The following PAX8 variants were observed in gnomAD, a reference collection of about 807,000 sequenced individuals.
PAX8 encodes paired box 8, also known as paired box protein Pax-8.
Under a neutral mutation model 52.4 loss-of-function variants are expected in PAX8, and 15 were observed. The observed-to-expected ratio is 0.29, with a 90% CI of 0.19 to 0.44. PAX8 has a LOEUF of 0.44. PAX8 is among the 20% of genes least tolerant of loss of function. The probability of loss-of-function intolerance (pLI) is 1.00; values close to 1 mark genes in which losing one functional copy is unlikely to be tolerated. For missense variants in PAX8, 554 were observed against 602.5 expected (o/e 0.92, Z 0.84); for synonymous variants, 284 against 249.7 (o/e 1.14, Z -1.29).
At chr2:113,232,525 C>T (rs1248924721) in intron 9 of PAX8, among the ~76,000 whole-genome samples, 1 of 152,232 alleles carries the variant, frequency 6.6e-6, no homozygotes, top group Non-Finnish European at 1.5e-5. Flanking sequence ...TGGCTGCCTG[C>T]TTCCTACATG....
chr2:113,244,646 A>G, intron 3 of PAX8, 22 bp from the exon 4 acceptor site: 8 of 1,609,290 alleles, frequency 5.0e-6, no homozygotes, highest in Non-Finnish European at 6.8e-6. Context: ...GAGAATCCCA[A>G]AGAATTACCC....
At position 113,220,107 on chromosome 2, in the gene PAX8, T is replaced by C; in HGVS notation, c.1261A>G (p.Asn421Asp). 6.2e-7 allele frequency: 1 copy of C among 1,613,568 alleles called. No individual in the cohort carries two copies. Among genetic ancestry groups the C allele is most frequent in the South Asian group, 1.1e-5 (1 of 91,056 alleles). The change falls in exon 11 of 12, where the codon AAC becomes GAC. Residue 421 changes from asparagine to aspartate, a missense_variant. Coordinates refer to ENST00000429538, the MANE Select transcript of PAX8 (RefSeq NM_003466.4). ...AGGGACTTACTCAGCAAGCTGGAGTTGGGGAAGCGCCAGGCCTCGCTGTAG... is the reference window on the plus strand; with the variant it reads ...AGGGACTTACTCAGCAAGCTGGAGTCGGGGAAGCGCCAGGCCTCGCTGTAG... Reference protein sequence around the residue: ...SSYSEAWRFPNSSLLSSPYYY... With the variant: ...SSYSEAWRFPDSSLLSSPYYY...
chr2:113,226,853 A>C, intron 10 of PAX8: 1 of 1,300,726 alleles, frequency 7.7e-7, no homozygotes. Flanking sequence ...ATTCACTGGA[A>C]GAAGTGGTGG....
chr2:113,271,761 G>A (rs1453956482), intron 2 of PAX8: 1 of 148,312 alleles, frequency 6.7e-6, no homozygotes. Flanking sequence ...AGGGAGCAGT[G>A]GAAAGGGGAA....
At chr2:113,277,624 A>G (rs1234710286) in intron 2 of PAX8, among the ~76,000 whole-genome samples, 3 of 152,114 alleles carry the variant, frequency 2.0e-5, no homozygotes, top group Non-Finnish European at 4.4e-5. Context: ...TGCGCCCACC[A>G]GCCCTGACCC....
chr2:113,230,635 T>C (rs1367829436), intron 9 of PAX8: 1 of 152,224 alleles, frequency 6.6e-6, no homozygotes, highest in Non-Finnish European at 1.5e-5. Context: ...TTCTTCAGCA[T>C]GGCTCTCACC....
intron 2 of PAX8, among the ~76,000 whole-genome samples, chr2:113,258,103 A>C (rs900310310): frequency 3.3e-5 from 5 of 152,222 alleles, no homozygotes; most frequent in Non-Finnish European, 5.9e-5. Flanking sequence ...CCTAAGAGCG[A>C]ATATGTCCTT....
At chr2:113,261,669 A>G (rs765579459) in intron 2 of PAX8, among the ~76,000 whole-genome samples, 25 of 152,232 alleles carry the variant, frequency 1.6e-4, no homozygotes, top group South Asian at 6.2e-4. Flanking sequence ...GGCAGAACCA[A>G]GAAAGAACCT....
intron 2 of PAX8, 56 bp downstream of exon 2, chr2:113,278,314 G>A: frequency 4.4e-6 from 6 of 1,358,218 alleles, no homozygotes; most frequent in African/African-American, 1.4e-5. Context: ...CCGAGCGCAC[G>A]CACGGACGCT....
Position 113,216,818 on chromosome 2 carries a change from G to A in PAX8, c.*1715C>T, listed in dbSNP as rs569264757. On this transcript the variant is annotated 3_prime_UTR_variant, in exon 12 of 12. Coordinates refer to ENST00000429538, the MANE Select transcript of PAX8 (RefSeq NM_003466.4). Reference sequence around the variant, plus strand: ...GGTAAAAGCGTTGGGCTTAGAGTAAGAGGACTTGGTTGAATCTACTACTTT... The same window carrying A: ...GGTAAAAGCGTTGGGCTTAGAGTAAAAGGACTTGGTTGAATCTACTACTTT... 4.9e-4 allele frequency: 112 copies of A among 229,194 alleles called. No individual in the cohort carries two copies. The highest frequency in any genetic ancestry group is 2.3e-3 in the African/African-American group (105 of 45,250). The allele number at this position is 229,194 out of a possible 1,614,324, so 14.2% of individuals were successfully genotyped here.
At chr2:113,278,317 C>A in intron 2 of PAX8, 53 bp downstream of exon 2, 1 of 1,393,402 alleles carries the variant, frequency 7.2e-7, no homozygotes, top group Non-Finnish European at 1.0e-6. Context: ...AGCGCACGCA[C>A]GGACGCTCAG....
chr2:113,259,767 TGCA>T (rs771086808), intron 2 of PAX8, among the ~76,000 whole-genome samples: 6 of 152,360 alleles, frequency 3.9e-5, no homozygotes, highest in South Asian at 2.1e-4. Flanking sequence ...CAGTGCTCCC[TGCA>T]GGTTTACTAG....
intron 2 of PAX8, among the ~76,000 whole-genome samples, chr2:113,249,014 G>A (rs950287935): frequency 2.0e-5 from 3 of 152,168 alleles, no homozygotes; most frequent in African/African-American, 4.8e-5. Flanking sequence ...CTCTGCCCTG[G>A]GCAGTAAGTC....
intron 10 of PAX8, 41 bp from the exon 11 acceptor site, chr2:113,220,219 GC>G (rs1233471085): frequency 6.8e-7 from 1 of 1,477,444 alleles, no homozygotes; most frequent in Admixed American, 1.7e-5. Flanking sequence ...GAGGTGAAGG[GC>G]ATCAATGCAG....
Position 113,242,709 on chromosome 2 carries a change from C to T in PAX8, c.459G>A (p.Leu153=), listed in dbSNP as rs753371045. The T allele has an allele frequency of 8.1e-6, 13 of 1,613,598 alleles. No individual in the cohort carries two copies. The highest frequency in any genetic ancestry group is 9.3e-6 in the Non-Finnish European group (11 of 1,179,592). The change falls in exon 5 of 12, where the codon CTG becomes CTA. Residue 153 remains leucine, a synonymous_variant. Transcript: ENST00000429538. ...ACTCACTCAGCGTGTGTCCGGGACT[C>T]AGGGACTTGGTGGCCACGCAGCTGT... ...PMDSCVATKS[L]SPGHTLIPSS...
chr2:113,242,622 A>G (rs537539666), intron 5 of PAX8, 68 bp downstream of exon 5: 91 of 1,016,024 alleles, frequency 9.0e-5, no homozygotes, highest in Middle Eastern at 2.0e-4. Flanking sequence ...GCCTCTGTGT[A>G]TATGTGGGTA....
chr2:113,226,978 A>G, intron 10 of PAX8, 177 bp downstream of exon 10: 7 of 1,518,580 alleles, frequency 4.6e-6, no homozygotes, highest in Non-Finnish European at 2.6e-6. Context: ...GGGAGTCAGG[A>G]CTGCACTGGG....
intron 2 of PAX8, among the ~76,000 whole-genome samples, chr2:113,277,605 C>A (rs1392332990): frequency 6.6e-6 from 1 of 152,214 alleles, no homozygotes; most frequent in Non-Finnish European, 1.5e-5. Flanking sequence ...CGCTGCGCGC[C>A]GGGACGGCTG....
At chr2:113,275,138 G>T (rs546085804) in intron 2 of PAX8, 1 of 152,282 alleles carries the variant, frequency 6.6e-6, no homozygotes, top group East Asian at 1.9e-4. Flanking sequence ...CCCCCAAAAA[G>T]TTCCAAATAA....
Sources: allele counts gnomAD v4.1 joint callset (sites outside exome capture counted in the v4.1 genomes callset), GRCh38; gene constraint gnomAD v4.1.1; transcripts MANE v1.5; gene names NCBI Gene and HGNC (gene_info 2026-07-23, HGNC 2026-07-21).